Variants in PAPPA2 observed in about 807,000 individuals in gnomAD.
PAPPA2 encodes pappalysin 2.
A neutral mutation model predicts 176.4 loss-of-function variants in PAPPA2; 86 were observed. The observed-to-expected ratio is 0.49, with a 90% CI of 0.41 to 0.58. The LOEUF (loss-of-function observed/expected upper bound fraction) is 0.58. Among genes scored for constraint, PAPPA2 ranks in the 20% least tolerant of loss-of-function variants. The pLI is 0.00. For missense variants in PAPPA2, 2,073 were observed against 2,256.9 expected (o/e 0.92, Z 1.65); for synonymous variants, 809 against 852.2 (o/e 0.95, Z 0.88).
chr1:176,699,599 G>A lies in PAPPA2; in HGVS notation c.3236+10G>A, dbSNP rs748859803. On this transcript the variant is annotated intron_variant, in intron 8 of 22. Transcript: ENST00000367662. ...GGAAGTTCACGGACGTGTGAGTTTG[G>A]TAGCATGACTATGGGGCTTCCTGAG... The A allele has an allele frequency of 6.3e-7, 1 of 1,591,066 alleles. No individual in the cohort carries two copies. The highest frequency in any genetic ancestry group is 1.1e-5 in the South Asian group (1 of 88,500).
At chr1:176,504,558 G>A (rs1648147062) in intron 1 of PAPPA2, among the ~76,000 whole-genome samples, 1 of 152,100 alleles carries the variant, frequency 6.6e-6, no homozygotes, top group Non-Finnish European at 1.5e-5. Context: ...TGTTCAGGAT[G>A]GAGTCCACAT....
chr1:176,758,756 C>T (rs1022137381), intron 14 of PAPPA2, among the ~76,000 whole-genome samples: 1 of 152,214 alleles, frequency 6.6e-6, no homozygotes, highest in Non-Finnish European at 1.5e-5. Flanking sequence ...GGACATTACG[C>T]TAAAAAAATA....
chr1:176,690,196 C>T lies in PAPPA2; in HGVS notation c.2197C>T (p.His733Tyr), dbSNP rs1232567504. Residue 733 changes from histidine to tyrosine, a missense_variant, in exon 5 of 23, where the codon CAT (histidine) becomes TAT (tyrosine). His to Tyr is a moderately conservative substitution (Grantham distance 83). Around this residue, in one of 4 missense-constraint regions of PAPPA2, gnomAD observed 1,196 missense variants for 1,330.4 expected, o/e 0.90. Transcript: ENST00000367662. ...GMPGHTDTMIHEVGHVLGLYH... is the reference protein window; with the variant it reads ...GMPGHTDTMIYEVGHVLGLYH... ...GCCTGGCCACACCGACACCATGATC[C>T]ATGAAGTGGGACATGTTCTGGGACT... 1.9e-6 allele frequency: 3 copies of T among 1,613,980 alleles called. No individual in the cohort carries two copies. Among genetic ancestry groups the T allele is most frequent in the Non-Finnish European group, 2.5e-6 (3 of 1,179,984 alleles).
intron 7 of PAPPA2, among the ~76,000 whole-genome samples, chr1:176,696,567 G>T (rs1421507071): frequency 6.6e-6 from 1 of 152,024 alleles, no homozygotes; most frequent in Non-Finnish European, 1.5e-5. Context: ...ATATTAATGC[G>T]CCTAAGACAA....
At chr1:176,776,280 C>T (rs987644527) in intron 17 of PAPPA2, among the ~76,000 whole-genome samples, 2 of 152,154 alleles carry the variant, frequency 1.3e-5, no homozygotes, top group African/African-American at 4.8e-5. Context: ...ATTAATTTAA[C>T]TTCTAAACGA....
At chr1:176,695,897 A>G (rs1185412642) in intron 7 of PAPPA2, 38 bp downstream of exon 7, 2 of 1,607,758 alleles carry the variant, frequency 1.2e-6, no homozygotes, top group African/African-American at 1.3e-5. Flanking sequence ...TACCCTGGTG[A>G]CCACTGAGGA....
chr1:176,718,052 G>A (rs1440636214), intron 12 of PAPPA2, among the ~76,000 whole-genome samples: 1 of 152,048 alleles, frequency 6.6e-6, no homozygotes, highest in Non-Finnish European at 1.5e-5. Flanking sequence ...ATTCATCAGT[G>A]AAACTATCTG....
At chr1:176,631,642 T>G (rs1199091362) in intron 3 of PAPPA2, among the ~76,000 whole-genome samples, 1 of 152,188 alleles carries the variant, frequency 6.6e-6, no homozygotes, top group Non-Finnish European at 1.5e-5. Flanking sequence ...GATTTGACAA[T>G]ATGGATAAAT....
Position 176,799,435 on chromosome 1 carries a change from T to C in PAPPA2, c.5131-626T>C, listed in dbSNP as rs191558157. On this transcript the variant is annotated intron_variant, in intron 20 of 22. Transcript: ENST00000367662. ...CCACCAGCTTGATGTTGGTGTCATT[T>C]TGAGTAGCAGTGATTTCACACTAGC... Among the ~76,000 whole-genome samples, 1,036 of 152,294 alleles carry C rather than the reference T, an allele frequency of 6.8e-3. 5 individuals carry two copies. The highest frequency in any genetic ancestry group is 0.01 in the Non-Finnish European group (709 of 68,038).
intron 3 of PAPPA2, among the ~76,000 whole-genome samples, chr1:176,629,366 G>A (rs1401121647): frequency 6.6e-6 from 1 of 152,156 alleles, no homozygotes. Context: ...GGAAAATTTG[G>A]TATTTATGTA....
At chr1:176,480,703 T>A (rs547945560) in intron 1 of PAPPA2, among the ~76,000 whole-genome samples, 20 of 152,056 alleles carry the variant, frequency 1.3e-4, no homozygotes, top group Admixed American at 2.0e-4. Flanking sequence ...TGAAGGAAAA[T>A]ATTTTCTTTC....
At chr1:176,702,962 T>C (rs2102823584) in intron 9 of PAPPA2, among the ~76,000 whole-genome samples, 1 of 152,222 alleles carries the variant, frequency 6.6e-6, no homozygotes, top group East Asian at 1.9e-4. Flanking sequence ...CATCTCTACA[T>C]AGTTATGGAG....
At chr1:176,474,532 G>T (rs150790966) in intron 1 of PAPPA2, among the ~76,000 whole-genome samples, 42 of 152,276 alleles carry the variant, frequency 2.8e-4, no homozygotes, top group African/African-American at 9.9e-4. Flanking sequence ...GGTGGTGATG[G>T]CAGTGCCCAC....
At chr1:176,782,435 T>C (rs751554359) in intron 17 of PAPPA2, among the ~76,000 whole-genome samples, 1 of 151,994 alleles carries the variant, frequency 6.6e-6, no homozygotes, top group Non-Finnish European at 1.5e-5. Context: ...AAAGATGCTT[T>C]GATTAAAAAA....
At chr1:176,820,403 T>C (rs1666610058) in intron 21 of PAPPA2, among the ~76,000 whole-genome samples, 1 of 152,186 alleles carries the variant, frequency 6.6e-6, no homozygotes, top group African/African-American at 2.4e-5. Context: ...TTTGCAAGAA[T>C]AAATTGGCTG....
intron 1 of PAPPA2, among the ~76,000 whole-genome samples, chr1:176,470,042 A>G (rs1651801154): frequency 6.6e-6 from 1 of 152,218 alleles, no homozygotes. Flanking sequence ...TACTGTCCAG[A>G]AAACATGATG....
At chr1:176,660,430 CT>C (rs943025919) in intron 3 of PAPPA2, among the ~76,000 whole-genome samples, 17 of 151,836 alleles carry the variant, frequency 1.1e-4, no homozygotes, top group African/African-American at 4.1e-4. Flanking sequence ...ATAATTATAA[CT>C]TTTTTGAGGC....
At chr1:176,831,419 C>G (rs1667075207) in intron 21 of PAPPA2, among the ~76,000 whole-genome samples, 1 of 152,174 alleles carries the variant, frequency 6.6e-6, no homozygotes, top group African/African-American at 2.4e-5. Context: ...CAGGGATGTT[C>G]TGTCCTTAAG....
chr1:176,713,182 G>T (rs189641111), intron 12 of PAPPA2, among the ~76,000 whole-genome samples: 1,602 of 150,332 alleles, frequency 0.011, 12 homozygotes, highest in African/African-American at 0.023. Flanking sequence ...AAGAGGCAGG[G>T]TCTCGCTCTG....
Sources: allele counts gnomAD v4.1 joint callset (sites outside exome capture counted in the v4.1 genomes callset), GRCh38; gene constraint gnomAD v4.1.1; regional missense constraint gnomAD v4.1.1; transcripts MANE v1.5; gene names NCBI Gene and HGNC (gene_info 2026-07-23, HGNC 2026-07-21).